The following SCD5 variants were observed in gnomAD, a reference collection of about 807,000 sequenced individuals.
SCD5 encodes stearoyl-CoA desaturase 5.
Under a neutral mutation model 30.4 loss-of-function variants are expected in SCD5, and 20 were observed. The observed-to-expected ratio is 0.66, with a 90% CI of 0.46 to 0.96. The LOEUF is 0.96. Ranked by LOEUF, SCD5 falls within the 40% of genes least tolerant of loss-of-function variation. The pLI is 0.00. For missense variants in SCD5, 381 were observed against 443.3 expected (o/e 0.86, Z 1.26); for synonymous variants, 173 against 176.4 (o/e 0.98, Z 0.16).
At chr4:82,765,474 G>A (rs185463596) in intron 1 of SCD5, among the ~76,000 whole-genome samples, 1 of 152,098 alleles carries the variant, frequency 6.6e-6, no homozygotes, top group Non-Finnish European at 1.5e-5. Flanking sequence ...AAATGGCATA[G>A]TATTTGCATA....
rs12639778 is a variant in SCD5, at chr4:82,651,741, C to T, written c.570-14918G>A. 5.8e-3 allele frequency among the ~76,000 whole-genome samples: 888 copies of T among 151,974 alleles called. 63 individuals are homozygous for T. The East Asian group carries it at 0.15, about 26-fold the overall frequency. On this transcript the variant is annotated intron_variant, in intron 3 of 4. Transcript: ENST00000319540. ...CCAGCCTGGCCAACATGGTGAAACC[C>T]CGTCTCTACAAAAAATACAAAATCA... is the stretch of plus-strand genomic sequence containing the variant.
chr4:82,703,442 A>G (rs376203689), intron 2 of SCD5, among the ~76,000 whole-genome samples: 21 of 152,306 alleles, frequency 1.4e-4, no homozygotes, highest in East Asian at 5.8e-4. Flanking sequence ...TTATCTTCCT[A>G]GCAACTCTGT....
chr4:82,646,892 G>T (rs535754114), intron 3 of SCD5, among the ~76,000 whole-genome samples: 1 of 151,932 alleles, frequency 6.6e-6, no homozygotes, highest in Non-Finnish European at 1.5e-5. Flanking sequence ...GTGTGATCTC[G>T]GGTCACTGCA....
intron 1 of SCD5, among the ~76,000 whole-genome samples, chr4:82,749,624 A>C (rs139032787): frequency 7.3e-4 from 111 of 152,374 alleles, no homozygotes; most frequent in African/African-American, 2.5e-3. Flanking sequence ...TCTTCATATT[A>C]CAAAAACACA....
At chr4:82,709,276 T>A (rs1306740225) in intron 1 of SCD5, among the ~76,000 whole-genome samples, 3 of 152,164 alleles carry the variant, frequency 2.0e-5, no homozygotes, top group Admixed American at 6.6e-5. Flanking sequence ...TCATTCTGCA[T>A]CCCATTCAGC....
chr4:82,639,724 G>T (rs1279344616), intron 3 of SCD5, among the ~76,000 whole-genome samples: 1 of 152,206 alleles, frequency 6.6e-6, no homozygotes, highest in African/African-American at 2.4e-5. Context: ...CAGAGCCTTG[G>T]CTCTGCTACT....
At chr4:82,703,783 T>C (rs978979844) in intron 2 of SCD5, among the ~76,000 whole-genome samples, 13 of 152,320 alleles carry the variant, frequency 8.5e-5, no homozygotes, top group African/African-American at 2.6e-4. Context: ...GAGTGTGTCA[T>C]TGGAGGCTAT....
intron 1 of SCD5, among the ~76,000 whole-genome samples, chr4:82,758,887 C>A (rs979544977): frequency 6.6e-6 from 1 of 152,186 alleles, no homozygotes; most frequent in South Asian, 2.1e-4. Context: ...GCAGCAGAGG[C>A]GCCTCCCCCG....
chr4:82,775,258 C>A (rs1162484284), intron 1 of SCD5, among the ~76,000 whole-genome samples: 1 of 152,214 alleles, frequency 6.6e-6, no homozygotes, highest in Non-Finnish European at 1.5e-5. Context: ...ATTTCACTCA[C>A]GCCCTGGTTG....
intron 1 of SCD5, among the ~76,000 whole-genome samples, chr4:82,742,769 T>C (rs139330093): frequency 6.6e-6 from 1 of 151,996 alleles, no homozygotes; most frequent in East Asian, 1.9e-4. Flanking sequence ...TGAGATTCTG[T>C]CTCCAAAAAA....
chr4:82,667,278 A>ACG (rs1728209987), intron 3 of SCD5, among the ~76,000 whole-genome samples: 1 of 144,460 alleles, frequency 6.9e-6, no homozygotes, highest in Admixed American at 6.8e-5. Context: ...ATACACACAC[A>ACG]CACACACACG....
intron 1 of SCD5, among the ~76,000 whole-genome samples, chr4:82,747,068 T>TCCCCCCCCCCC (rs772385416): frequency 6.2e-5 from 5 of 81,178 alleles, no homozygotes; most frequent in Admixed American, 1.2e-4. Flanking sequence ...CTGGGCAACC[T>TCCCCCCCCCCC]GCCCCCCAAG....
At chr4:82,798,025 C>G (rs1722264424) in intron 1 of SCD5, among the ~76,000 whole-genome samples, 1 of 148,862 alleles carries the variant, frequency 6.7e-6, no homozygotes, top group African/African-American at 2.5e-5. Flanking sequence ...GGGTCCCCCC[C>G]GGCTCTCCAT....
chr4:82,742,409 C>T (rs1236455205), intron 1 of SCD5, among the ~76,000 whole-genome samples: 1 of 152,154 alleles, frequency 6.6e-6, no homozygotes, highest in African/African-American at 2.4e-5. Context: ...GGCAGAGAGA[C>T]CCCAGCAGCA....
chr4:82,781,782 C>G (rs1721880877), intron 1 of SCD5, among the ~76,000 whole-genome samples: 1 of 152,192 alleles, frequency 6.6e-6, no homozygotes, highest in Non-Finnish European at 1.5e-5. Context: ...AATACCAGCC[C>G]CTCAGTCTTG....
intron 2 of SCD5, among the ~76,000 whole-genome samples, chr4:82,681,345 T>C (rs1728568356): frequency 6.6e-6 from 1 of 152,182 alleles, no homozygotes. Flanking sequence ...CTTAGGATGA[T>C]TCCATGTTGC....
At chr4:82,654,453 C>T (rs1727827321) in intron 3 of SCD5, among the ~76,000 whole-genome samples, 1 of 152,122 alleles carries the variant, frequency 6.6e-6, no homozygotes, top group African/African-American at 2.4e-5. Flanking sequence ...CTTAGACTAC[C>T]CTTTGCAGTT....
At position 82,726,558 on chromosome 4, in the gene SCD5, G is replaced by T. The variant is rs563728996; in HGVS notation, c.233-21145C>A. ...CACTCTGCTTGTTAAGAAAGCAGCT[G>T]TTTTTTTTTTTTTAAATAGAGACCT... is the stretch of plus-strand genomic sequence containing the variant. On this transcript the variant is annotated intron_variant, in intron 1 of 4. Coordinates refer to ENST00000319540, the MANE Select transcript of SCD5 (RefSeq NM_001037582.3). Among the ~76,000 whole-genome samples, 844 of 146,546 alleles carry T rather than the reference G, an allele frequency of 5.8e-3. 12 individuals carry two copies. The highest frequency in any genetic ancestry group is 0.02 in the African/African-American group (811 of 40,402).
In SCD5 at chr4:82,750,029, C is replaced by T. The variant is rs1161203167; in HGVS notation, c.233-44616G>A. ...AACTGTAGCAAGTTACTTCCCTGTG[C>T]CTTGATTTCCTTATCTGGAAAAGTG... On this transcript the variant is annotated intron_variant, in intron 1 of 4. Coordinates refer to ENST00000319540, the MANE Select transcript of SCD5 (RefSeq NM_001037582.3). Among the ~76,000 whole-genome samples the T allele has an allele frequency of 2.0e-5, 3 of 152,146 alleles. No homozygotes were observed. The South Asian group carries it at 6.2e-4, about 32-fold the overall frequency.
Sources: gnomAD v4.1 joint callset for allele counts (sites outside exome capture counted in the v4.1 genomes callset) on GRCh38, gnomAD v4.1.1 for gene constraint, MANE v1.5 for transcripts, NCBI Gene and HGNC (gene_info 2026-07-23, HGNC 2026-07-21) for gene names.